PIK3R1: variants seen among roughly 807,000 people sequenced by gnomAD.
The protein encoded by PIK3R1 is phosphoinositide-3-kinase regulatory subunit 1.
In PIK3R1, 29 loss-of-function variants were observed where a neutral mutation model predicts 98.0. The observed-to-expected ratio is 0.30, with a 90% confidence interval of 0.22 to 0.40. The LOEUF is 0.40. Among genes scored for constraint, PIK3R1 ranks in the 10% least tolerant of loss-of-function variants. The pLI is 1.00. For missense variants in PIK3R1, 596 were observed against 872.7 expected (o/e 0.68, Z 3.99); for synonymous variants, 282 against 311.8 (o/e 0.90, Z 1.01).
rs369235605 is a variant in PIK3R1 at position 68,293,487 on chromosome 5, A to G, written c.1299+4A>G. On this transcript the variant is annotated splice_donor_region_variant and intron_variant, in intron 10 of 15. Coordinates refer to ENST00000521381, the MANE Select transcript of PIK3R1 (RefSeq NM_181523.3). Reference sequence around the variant, plus strand: ...TCCAGTATCCAAATACCAACAGGTAATAAAAACTGAATGAATTATCCAGTT... The same window carrying G: ...TCCAGTATCCAAATACCAACAGGTAGTAAAAACTGAATGAATTATCCAGTT... 27 of 1,592,974 alleles carry G rather than the reference A, an allele frequency of 1.7e-5. No individual in the cohort carries two copies. Among genetic ancestry groups the G allele is most frequent in the Admixed American group, 5.1e-5 (3 of 58,900 alleles).
chr5:68,262,455 TATATATATCTATATATGTAC>T (rs1468379244), intron 2 of PIK3R1, among the ~76,000 whole-genome samples: 13 of 146,126 alleles, frequency 8.9e-5, no homozygotes, highest in African/African-American at 3.0e-4. Flanking sequence ...GTAGAATACA[TATATATATCTATATATGTAC>T]ATATATATCT....
intron 2 of PIK3R1, among the ~76,000 whole-genome samples, chr5:68,257,394 C>G (rs1349945675): frequency 1.3e-5 from 2 of 151,950 alleles, no homozygotes; most frequent in East Asian, 3.9e-4. Flanking sequence ...GCTGGCTGTG[C>G]AAAGGCAGGC....
At chr5:68,264,617 TA>T (rs1746047867) in intron 2 of PIK3R1, among the ~76,000 whole-genome samples, 1 of 152,216 alleles carries the variant, frequency 6.6e-6, no homozygotes, top group Admixed American at 6.5e-5. Context: ...TAATCAGCAG[TA>T]GTAGTGATTT....
At chr5:68,259,518 A>G (rs1464394601) in intron 2 of PIK3R1, among the ~76,000 whole-genome samples, 2 of 152,254 alleles carry the variant, frequency 1.3e-5, no homozygotes, top group African/African-American at 4.8e-5. Flanking sequence ...TTCAAGAGTG[A>G]GGAAGTTTGG....
chr5:68,293,979 A>C, intron 11 of PIK3R1, 145 bp downstream of exon 11: 1 of 670,974 alleles, frequency 1.5e-6, no homozygotes, highest in Non-Finnish European at 2.5e-6. Flanking sequence ...TGATTATTCT[A>C]GTGTAATATC....
At chr5:68,263,682 A>G (rs369260507) in intron 2 of PIK3R1, among the ~76,000 whole-genome samples, 2 of 152,180 alleles carry the variant, frequency 1.3e-5, no homozygotes, top group East Asian at 3.8e-4. Context: ...CTTTTAATAT[A>G]TATAGTCTTA....
chr5:68,280,531 T>G lies in PIK3R1; in HGVS notation c.638T>G (p.Val213Gly), dbSNP rs1195348709. 1 of 1,593,420 alleles carries G rather than the reference T, an allele frequency of 6.3e-7. No individual in the cohort carries two copies. Among genetic ancestry groups the G allele is most frequent in the East Asian group, 2.2e-5 (1 of 44,714 alleles). ...YSEMISLAPE[V>G]QSSEEYIQLL... is the part of the protein sequence containing the mutation. ...TTTTTTTTTTTTAAACTTGTAGAAG[T>G]ACAAAGCTCCGAAGAATATATTCAG... The change falls in exon 6 of 16, where the codon GTA (valine) becomes GGA (glycine). Residue 213 changes from valine to glycine, a missense_variant. By Grantham distance (109) the Val-to-Gly change is moderately radical (BLOSUM62 -3). Around this residue, in one of 3 missense-constraint regions of PIK3R1, gnomAD observed 352 missense variants for 393.3 expected, o/e 0.90. Transcript: ENST00000521381.
chr5:68,250,684 G>A lies in PIK3R1; in HGVS notation c.335-22706G>A, dbSNP rs188836709. Reference sequence around the variant, plus strand: ...TTGGGGAAAATGTGTTCTGGATTTCGCACAGCCAGCTTACAAATGAGCTTT... The same window carrying A: ...TTGGGGAAAATGTGTTCTGGATTTCACACAGCCAGCTTACAAATGAGCTTT... On this transcript the variant is annotated intron_variant, in intron 2 of 15. Transcript: ENST00000521381. Among the ~76,000 whole-genome samples the A allele has an allele frequency of 2.2e-3, 339 of 152,144 alleles. 4 individuals are homozygous for A. Among genetic ancestry groups the A allele is most frequent in the African/African-American group, 7.9e-3 (326 of 41,508 alleles).
intron 7 of PIK3R1, 141 bp from the exon 8 acceptor site, chr5:68,292,118 A>AT (rs1747426936): frequency 2.0e-6 from 1 of 491,816 alleles, no homozygotes; most frequent in Admixed American, 3.6e-5. Flanking sequence ...ATTATCTTCC[A>AT]TATTGCATGG....
chr5:68,254,355 A>G (rs1278434800), intron 2 of PIK3R1, among the ~76,000 whole-genome samples: 2 of 152,228 alleles, frequency 1.3e-5, no homozygotes, highest in Non-Finnish European at 2.9e-5. Context: ...AGAGTTTCGA[A>G]TCATGGGATT....
intron 2 of PIK3R1, among the ~76,000 whole-genome samples, chr5:68,262,515 CATATAGATACATAGCT>C (rs1387690241): frequency 1.9e-5 from 2 of 104,038 alleles, no homozygotes; most frequent in Non-Finnish European, 3.8e-5. Context: ...TATATGTATA[CATATAGATACATAGCT>C]ATATAGATAC....
At chr5:68,248,375 G>A (rs1745184179) in intron 2 of PIK3R1, among the ~76,000 whole-genome samples, 1 of 152,138 alleles carries the variant, frequency 6.6e-6, no homozygotes, top group Admixed American at 6.5e-5. Context: ...TAAAACACTA[G>A]CATAGCAGTT....
intron 2 of PIK3R1, among the ~76,000 whole-genome samples, chr5:68,251,879 G>A (rs148442605): frequency 2.0e-5 from 3 of 152,092 alleles, no homozygotes; most frequent in Admixed American, 6.5e-5. Context: ...GCCCTCACCC[G>A]GTTGGGGGTG....
At chr5:68,284,771 T>C (rs971840259) in intron 7 of PIK3R1, among the ~76,000 whole-genome samples, 3 of 152,248 alleles carry the variant, frequency 2.0e-5, no homozygotes, top group African/African-American at 4.8e-5. Context: ...ATAATAATTA[T>C]CTAAATTTTT....
rs939479609 is a variant in PIK3R1 at position 68,297,662 on chromosome 5, A to G, written c.*61A>G. ...CCACCCTGAGGCCTCTGGAAAGCAA[A>G]GGGCTCCTCTCCAGTCTGATCTGTG... is the stretch of plus-strand genomic sequence containing the variant. On this transcript the variant is annotated 3_prime_UTR_variant, in exon 16 of 16. Coordinates refer to ENST00000521381, the MANE Select transcript of PIK3R1 (RefSeq NM_181523.3). 8 of 1,378,264 alleles carry G rather than the reference A, an allele frequency of 5.8e-6. No homozygotes were observed. The highest frequency in any genetic ancestry group is 8.2e-6 in the Non-Finnish European group (8 of 981,292). The allele number at this position is 1,378,264 out of a possible 1,614,324, so 85.4% of individuals were successfully genotyped here. A position where few individuals can be genotyped will look rare whatever the true frequency, so the allele number is the denominator to read the frequency against.
In PIK3R1 at chr5:68,226,512, C is replaced by G. The variant is rs1481490022; in HGVS notation, c.-164C>G. The G allele has an allele frequency of 1.8e-5, 11 of 602,060 alleles. No individual in the cohort carries two copies. The highest frequency in any genetic ancestry group is 3.2e-5 in the Non-Finnish European group (11 of 344,444). 37.3% of individuals were successfully genotyped at this position (602,060 alleles called of 1,614,324 possible). On this transcript the variant is annotated 5_prime_UTR_variant, in exon 2 of 16. Coordinates refer to ENST00000521381, the MANE Select transcript of PIK3R1 (RefSeq NM_181523.3). ...GAGGACAGATGGACAGCCGTATGGC[C>G]AGTCACCTCTCCTCTTAAACCTTTG...
chr5:68,294,872 A>G (rs1747611487), intron 12 of PIK3R1, among the ~76,000 whole-genome samples, 194 bp downstream of exon 12: 1 of 152,218 alleles, frequency 6.6e-6, no homozygotes, highest in South Asian at 2.1e-4. Flanking sequence ...ATGACGAGTT[A>G]GTGGGTGCGG....
intron 2 of PIK3R1, among the ~76,000 whole-genome samples, chr5:68,229,770 G>T (rs1054491520): frequency 6.6e-6 from 1 of 152,168 alleles, no homozygotes; most frequent in Non-Finnish European, 1.5e-5. Flanking sequence ...CACTTTGCTT[G>T]TATGTTCTTG....
chr5:68,296,447 G>A lies in PIK3R1; in HGVS notation c.1985+106G>A. On this transcript the variant is annotated intron_variant, in intron 15 of 15. Transcript: ENST00000521381. ...AAAGATTTGACATAGTTTTAGTCTTGAATAAGCTTACAGTACAATAATGTA... is the reference window on the plus strand; with the variant it reads ...AAAGATTTGACATAGTTTTAGTCTTAAATAAGCTTACAGTACAATAATGTA... 3 of 1,083,052 alleles carry A rather than the reference G, an allele frequency of 2.8e-6. No individual in the cohort carries two copies. The South Asian group carries it at 4.7e-5, about 17-fold the overall frequency. 67.1% of individuals were successfully genotyped at this position (1,083,052 alleles called of 1,614,324 possible). A position where few individuals can be genotyped will look rare whatever the true frequency, so the allele number is the denominator to read the frequency against.
Sources: gnomAD v4.1 joint callset for allele counts (sites outside exome capture counted in the v4.1 genomes callset) on GRCh38, gnomAD v4.1.1 for gene constraint, gnomAD v4.1.1 regional missense constraint, MANE v1.5 for transcripts, NCBI Gene and HGNC (gene_info 2026-07-23, HGNC 2026-07-21) for gene names.